Variants in FRMPD1 observed in about 807,000 individuals in gnomAD.
The protein encoded by FRMPD1 is FERM and PDZ domain-containing protein 1.
FRMPD1 carries 76 observed loss-of-function variants against 117.8 expected under a neutral mutation model. That is an observed-to-expected ratio of 0.65 (90% CI 0.54 to 0.78). The LOEUF is 0.78. Ranked by LOEUF, FRMPD1 falls within the 30% of genes least tolerant of loss-of-function variation. FRMPD1 has a pLI of 0.00. For missense variants in FRMPD1, 1,786 were observed against 1,964.5 expected (o/e 0.91, Z 1.72); for synonymous variants, 783 against 770.4 (o/e 1.02, Z -0.27).
intron 1 of FRMPD1, among the ~76,000 whole-genome samples, chr9:37,670,979 T>A (rs1821331790): frequency 6.6e-6 from 1 of 152,212 alleles, no homozygotes; most frequent in African/African-American, 2.4e-5. Flanking sequence ...AAAATAAGAA[T>A]CACTTATCAG....
At position 37,740,615 on chromosome 9, in the gene FRMPD1, C is replaced by T. The variant is rs760155563; in HGVS notation, c.2087C>T (p.Pro696Leu). Reference protein sequence around the residue: ...APELSTVRLDPRLYEGSHADY... With the variant: ...APELSTVRLDLRLYEGSHADY... ...GAACTGAGCACAGTCAGGCTGGACC[C>T]CAGGCTGTATGAAGGCAGCCACGCT... The change falls in exon 15 of 16, where the codon CCC becomes CTC. Residue 696 changes from proline to leucine, a missense_variant. Coordinates refer to ENST00000377765, the MANE Select transcript of FRMPD1 (RefSeq NM_014907.3). The surrounding 1 kb of genome is among the most constrained non-coding windows in gnomAD (Gnocchi z 4.2). 2.5e-6 allele frequency: 4 copies of T among 1,614,170 alleles called. No individual in the cohort carries two copies. Among genetic ancestry groups the T allele is most frequent in the Non-Finnish European group, 3.4e-6 (4 of 1,180,010 alleles).
At chr9:37,733,995 G>C (rs1824011789) in intron 12 of FRMPD1, among the ~76,000 whole-genome samples, 170 bp downstream of exon 12, 1 of 152,166 alleles carries the variant, frequency 6.6e-6, no homozygotes, top group Non-Finnish European at 1.5e-5. Flanking sequence ...CGTTTGCTTG[G>C]TGCTACCCCT....
the FRMPD1 span, among the ~76,000 whole-genome samples, chr9:37,605,150 T>C: frequency 6.6e-6 from 1 of 152,216 alleles, no homozygotes; most frequent in African/African-American, 2.4e-5. Flanking sequence ...AGTCTGTGCT[T>C]CCAGTACCCA....
At chr9:37,649,140 G>C (rs1449036291), upstream of FRMPD1, among the ~76,000 whole-genome samples, 1 of 152,196 alleles carries the variant, frequency 6.6e-6, no homozygotes, top group East Asian at 1.9e-4. Context: ...CCGGACAAGA[G>C]AATAGTTCTT....
Position 37,740,584 on chromosome 9 carries a change from G to A in FRMPD1, c.2056G>A (p.Ala686Thr), listed in dbSNP as rs140717580. 1 of 1,614,126 alleles carries A rather than the reference G, an allele frequency of 6.2e-7. No individual in the cohort carries two copies. The highest frequency in any genetic ancestry group is 8.5e-7 in the Non-Finnish European group (1 of 1,180,054). ...ESAALETFGW[A>T]PELSTVRLDP... ...TGCTGCTTTGGAGACATTTGGCTGG[G>A]CACCAGAACTGAGCACAGTCAGGCT... The change falls in exon 15 of 16, where the codon GCA becomes ACA. Residue 686 changes from alanine to threonine, a missense_variant. By Grantham distance (58) the Ala-to-Thr change is moderately conservative. Transcript: ENST00000377765. The surrounding 1 kb of genome is among the most constrained non-coding windows in gnomAD (Gnocchi z 4.2).
In FRMPD1 at chr9:37,740,175, C is replaced by G. The variant is rs144572776; in HGVS notation, c.1647C>G (p.Pro549=). Residue 549 remains proline (P), a synonymous_variant, in exon 15 of 16, where the codon CCC becomes CCG. Coordinates refer to ENST00000377765, the MANE Select transcript of FRMPD1 (RefSeq NM_014907.3). This position sits in a 1 kb window ranked among gnomAD's most constrained non-coding sequence, Gnocchi z 4.2. The stretch of plus-strand genomic sequence containing the variant: ...ACAGGCGCCTGGTGAAACTGGCACC[C>G]TGCAGATCACTCATAAAGGAGGAGC... The part of the protein sequence containing the change: ...LSDRRLVKLA[P]CRSLIKEEQP... 182 of 1,613,872 alleles carry G rather than the reference C, an allele frequency of 1.1e-4. No individual in the cohort carries two copies. The African/African-American group carries it at 2.3e-3, about 20-fold the overall frequency.
chr9:37,642,242 G>C, the FRMPD1 span, among the ~76,000 whole-genome samples: 1 of 152,054 alleles, frequency 6.6e-6, no homozygotes, highest in Non-Finnish European at 1.5e-5. Flanking sequence ...CTCTTTGTCT[G>C]CAAAAAAGAC....
At chr9:37,683,690 G>T (rs1355167190) in intron 1 of FRMPD1, among the ~76,000 whole-genome samples, 9 of 151,810 alleles carry the variant, frequency 5.9e-5, no homozygotes, top group Non-Finnish European at 1.3e-4. Context: ...CGGGTAGGCA[G>T]GGCCAGATCA....
chr9:37,724,547 C>T (rs999389437), intron 7 of FRMPD1, among the ~76,000 whole-genome samples: 1 of 151,906 alleles, frequency 6.6e-6, no homozygotes, highest in South Asian at 2.1e-4. Flanking sequence ...GGGTGGGAAT[C>T]GGGACTTAGA....
chr9:37,607,149 T>C, the FRMPD1 span, among the ~76,000 whole-genome samples: 1 of 152,058 alleles, frequency 6.6e-6, no homozygotes, highest in Non-Finnish European at 1.5e-5. Context: ...ATCCCGTCTC[T>C]AATAAAAATA....
chr9:37,605,404 A>G, the FRMPD1 span, among the ~76,000 whole-genome samples: 1 of 152,214 alleles, frequency 6.6e-6, no homozygotes, highest in African/African-American at 2.4e-5. Context: ...TAGGAAAAGC[A>G]TGGGCACTCA....
rs545280550 is a variant in FRMPD1, at chr9:37,733,592, G to A, written c.1115G>A (p.Arg372Gln). 3.1e-5 allele frequency: 50 copies of A among 1,613,790 alleles called. No individual in the cohort carries two copies. Among genetic ancestry groups the A allele is most frequent in the Non-Finnish European group, 3.9e-5 (46 of 1,179,938 alleles). The change falls in exon 11 of 16, where the codon CGA (arginine) becomes CAA (glutamine). Residue 372 changes from arginine to glutamine, a missense_variant. By Grantham distance (43) the Arg-to-Gln change is conservative. Transcript: ENST00000377765. Reference protein sequence around the residue: ...MKRNQNLLEPRQKQLISAAQL... With the variant: ...MKRNQNLLEPQQKQLISAAQL... ...AGGAACCAGAATTTGCTGGAACCCC[G>A]ACAGAAGGTAATGAAGGTGCCTCTG...
At chr9:37,685,489 A>C (rs1237101101) in intron 1 of FRMPD1, among the ~76,000 whole-genome samples, 9 of 146,510 alleles carry the variant, frequency 6.1e-5, no homozygotes, top group Non-Finnish European at 4.5e-5. Flanking sequence ...TAAAAATACA[A>C]AAAAAAAAAA....
At chr9:37,717,886 G>A (rs1823220856) in intron 5 of FRMPD1, among the ~76,000 whole-genome samples, 1 of 152,080 alleles carries the variant, frequency 6.6e-6, no homozygotes, top group Non-Finnish European at 1.5e-5. Flanking sequence ...CAGCTCATTC[G>A]AAGCAATCTG....
chr9:37,672,939 C>T (rs1324140888), intron 1 of FRMPD1, among the ~76,000 whole-genome samples: 1 of 152,162 alleles, frequency 6.6e-6, no homozygotes, highest in Non-Finnish European at 1.5e-5. Flanking sequence ...CTGGGAGATA[C>T]AATTCAAGTT....
chr9:37,713,200 T>C (rs2118194678), intron 5 of FRMPD1, among the ~76,000 whole-genome samples: 1 of 152,308 alleles, frequency 6.6e-6, no homozygotes, highest in Admixed American at 6.5e-5. Context: ...ATGGCCTTGA[T>C]AGGCAGGTTT....
the FRMPD1 span, among the ~76,000 whole-genome samples, chr9:37,612,389 C>A: frequency 6.6e-6 from 1 of 152,072 alleles, no homozygotes; most frequent in South Asian, 2.1e-4. Context: ...CGATCTATTG[C>A]CCAGGCTGGA....
chr9:37,667,433 G>A (rs986863247), intron 1 of FRMPD1, among the ~76,000 whole-genome samples: 4 of 150,990 alleles, frequency 2.6e-5, no homozygotes, highest in Non-Finnish European at 5.9e-5. Flanking sequence ...AGCACTTCGG[G>A]AGGCTGAGGC....
chr9:37,614,615 G>A, the FRMPD1 span, among the ~76,000 whole-genome samples: 1 of 152,212 alleles, frequency 6.6e-6, no homozygotes, highest in African/African-American at 2.4e-5. Flanking sequence ...CTTTGCCCCT[G>A]AGGTTCGGAA....
Sources: allele counts gnomAD v4.1 joint callset (sites outside exome capture counted in the v4.1 genomes callset), GRCh38; gene constraint gnomAD v4.1.1; non-coding constraint Gnocchi (gnomAD v3.1); transcripts MANE v1.5; gene names NCBI Gene and HGNC (gene_info 2026-07-23, HGNC 2026-07-21).